CDC123: variants seen among roughly 807,000 people sequenced by gnomAD.
CDC123 encodes cell division cycle 123, also known as translation initiation factor eIF2 assembly protein.
Under a neutral mutation model 54.4 loss-of-function variants are expected in CDC123, and 37 were observed. The observed-to-expected ratio is 0.68, with a 90% CI of 0.52 to 0.89. The LOEUF is 0.89. CDC123 is among the 40% of genes least tolerant of loss of function. The pLI is 0.00. For synonymous variants in CDC123, 144 were observed against 136.8 expected (o/e 1.05, Z -0.37); for missense variants, 361 against 412.1 (o/e 0.88, Z 1.07).
intron 6 of CDC123, among the ~76,000 whole-genome samples, chr10:12,218,070 G>A (rs1203623229): frequency 1.3e-5 from 2 of 151,896 alleles, no homozygotes; most frequent in Non-Finnish European, 1.5e-5. Context: ...TAGCCTGGGC[G>A]ACAGAGCGAG....
intron 6 of CDC123, among the ~76,000 whole-genome samples, chr10:12,222,805 A>G (rs905811570): frequency 6.6e-6 from 1 of 152,006 alleles, no homozygotes; most frequent in Non-Finnish European, 1.5e-5. Context: ...CCAGGCTGAA[A>G]TGCAATGATG....
intron 2 of CDC123, among the ~76,000 whole-genome samples, chr10:12,202,951 G>A (rs1835461842): frequency 1.3e-5 from 2 of 152,244 alleles, no homozygotes; most frequent in Non-Finnish European, 2.9e-5. Context: ...GGAAGTGGAG[G>A]TTGCAGTGAG....
chr10:12,244,029 G>A (rs1483698155), intron 10 of CDC123, among the ~76,000 whole-genome samples: 1 of 152,174 alleles, frequency 6.6e-6, no homozygotes, highest in Non-Finnish European at 1.5e-5. Flanking sequence ...CCTGGGGCTT[G>A]TATAAAATGA....
intron 1 of CDC123, among the ~76,000 whole-genome samples, chr10:12,196,632 C>T (rs1216340292): frequency 6.6e-6 from 1 of 152,126 alleles, no homozygotes; most frequent in Non-Finnish European, 1.5e-5. Flanking sequence ...TGCCTAAGTG[C>T]ACTCGGAGAA....
At chr10:12,243,885 A>G (rs529076018) in intron 10 of CDC123, among the ~76,000 whole-genome samples, 5 of 152,308 alleles carry the variant, frequency 3.3e-5, no homozygotes, top group African/African-American at 1.2e-4. Flanking sequence ...AGTATTCTCC[A>G]AAATAAAGTT....
At chr10:12,223,840 T>A (rs1447436715) in intron 6 of CDC123, among the ~76,000 whole-genome samples, 5 of 152,228 alleles carry the variant, frequency 3.3e-5, no homozygotes, top group African/African-American at 1.2e-4. Flanking sequence ...GTCATTGACG[T>A]ACACTATGTA....
chr10:12,211,390 A>G (rs888644867), intron 4 of CDC123, among the ~76,000 whole-genome samples: 1 of 152,188 alleles, frequency 6.6e-6, no homozygotes, highest in African/African-American at 2.4e-5. Flanking sequence ...TATGATTGCC[A>G]GGATAGAAGA....
At chr10:12,243,479 T>C (rs1009341229) in intron 10 of CDC123, among the ~76,000 whole-genome samples, 1 of 151,380 alleles carries the variant, frequency 6.6e-6, no homozygotes, top group South Asian at 2.1e-4. Flanking sequence ...AATGAGTTAG[T>C]TTTACTGACT....
chr10:12,210,115 C>A, intron 3 of CDC123, 91 bp downstream of exon 3: 3 of 1,482,340 alleles, frequency 2.0e-6, no homozygotes, highest in South Asian at 1.2e-5. Flanking sequence ...TATCTTACAT[C>A]TGATAAAATG....
chr10:12,217,407 T>C lies in CDC123; in HGVS notation c.380T>C (p.Leu127Pro). The change falls in exon 6 of 13, where the codon CTC becomes CCC. Residue 127 changes from leucine to proline, a missense_variant. Leu to Pro is a moderately conservative substitution (Grantham distance 98). Transcript: ENST00000281141. ...AATAGTTCTCTGAAATGTAAAACCC[T>C]CAGCGACATCTTTCTGCTTTTCAAG... ...AMNSSLKCKT[L>P]SDIFLLFKSS... is the part of the protein sequence containing the mutation. The C allele has an allele frequency of 1.7e-5, 28 of 1,614,122 alleles. No homozygotes were observed. The highest frequency in any genetic ancestry group is 2.4e-5 in the Non-Finnish European group (28 of 1,179,994).
At chr10:12,196,538 G>A (rs1239943254) in intron 1 of CDC123, among the ~76,000 whole-genome samples, 1 of 152,166 alleles carries the variant, frequency 6.6e-6, no homozygotes, top group Non-Finnish European at 1.5e-5. Flanking sequence ...GGTCGGAGGC[G>A]GGAGGAATAG....
At chr10:12,239,950 G>C (rs999778917) in intron 10 of CDC123, among the ~76,000 whole-genome samples, 1 of 149,874 alleles carries the variant, frequency 6.7e-6, no homozygotes, top group South Asian at 2.1e-4. Context: ...GGAGCTTGCA[G>C]TGAGCCGAGA....
At chr10:12,225,825 GT>G (rs1427873484) in intron 6 of CDC123, among the ~76,000 whole-genome samples, 1 of 133,330 alleles carries the variant, frequency 7.5e-6, no homozygotes, top group Non-Finnish European at 1.5e-5. Context: ...ATTTGGCAGG[GT>G]CATAGGACAA....
intron 6 of CDC123, among the ~76,000 whole-genome samples, chr10:12,227,204 C>T (rs1835834324): frequency 6.8e-6 from 1 of 147,928 alleles, no homozygotes; most frequent in South Asian, 2.2e-4. Flanking sequence ...GAGATGGCGG[C>T]ACTACAGTCC....
At chr10:12,230,112 A>G (rs143149168) in intron 6 of CDC123, among the ~76,000 whole-genome samples, 420 of 152,296 alleles carry the variant, frequency 2.8e-3, no homozygotes, top group Non-Finnish European at 4.7e-3. Context: ...ATAATAGCCC[A>G]TAACATTGTT....
intron 11 of CDC123, 22 bp downstream of exon 11, chr10:12,246,299 T>C: frequency 6.2e-7 from 1 of 1,613,486 alleles, no homozygotes; most frequent in South Asian, 1.1e-5. Context: ...TTAAGACAGA[T>C]ACAATGTAAA....
Position 12,196,212 on chromosome 10 carries a change from G to C in CDC123, c.-34G>C. ...CAGAGTTCCGGGAGGGTGCAGGCAG[G>C]AGAGGGAAAGGCAGCAGCGGCGGCA... On this transcript the variant is annotated 5_prime_UTR_variant, in exon 1 of 13. Coordinates refer to ENST00000281141, the MANE Select transcript of CDC123 (RefSeq NM_006023.3). 3.7e-6 allele frequency: 6 copies of C among 1,613,796 alleles called. No individual in the cohort carries two copies. The highest frequency in any genetic ancestry group is 5.1e-6 in the Non-Finnish European group (6 of 1,179,952).
At chr10:12,227,250 G>C (rs2131750132) in intron 6 of CDC123, among the ~76,000 whole-genome samples, 1 of 142,808 alleles carries the variant, frequency 7.0e-6, no homozygotes, top group East Asian at 2.3e-4. Context: ...ACCGTGGAGA[G>C]AGAGGGAGAG....
intron 8 of CDC123, among the ~76,000 whole-genome samples, chr10:12,236,127 A>C (rs994709701): frequency 2.0e-5 from 3 of 152,204 alleles, no homozygotes; most frequent in Admixed American, 2.0e-4. Flanking sequence ...TCTCTTGAAG[A>C]ATATTTGATA....
Sources: allele counts gnomAD v4.1 joint callset (sites outside exome capture counted in the v4.1 genomes callset), GRCh38; gene constraint gnomAD v4.1.1; transcripts MANE v1.5; gene names NCBI Gene and HGNC (gene_info 2026-07-23, HGNC 2026-07-21).